Variants in CAMSAP1 observed in about 807,000 individuals in gnomAD.
The protein encoded by CAMSAP1 is calmodulin regulated spectrin associated protein 1, also known as calmodulin-regulated spectrin-associated protein 1.
CAMSAP1 carries 58 observed loss-of-function variants against 143.5 expected under a neutral mutation model. The observed-to-expected ratio is 0.40, with a 90% CI of 0.33 to 0.50. CAMSAP1 has a LOEUF of 0.50. CAMSAP1 is among the 20% of genes least tolerant of loss of function. The probability of loss-of-function intolerance (pLI) is 0.45; values close to 1 mark genes in which losing one functional copy is unlikely to be tolerated. For synonymous variants in CAMSAP1, 945 were observed against 859.3 expected (o/e 1.10, Z -1.74); for missense variants, 1,969 against 2,115.7 (o/e 0.93, Z 1.36).
In CAMSAP1 at chr9:135,821,615, C is replaced by T. The variant is rs1278108233; in HGVS notation, c.3046G>A (p.Asp1016Asn). Residue 1016 changes from aspartate to asparagine, a missense_variant, in exon 11 of 17, where the codon GAC (aspartate) becomes AAC (asparagine). Around this residue, in one of 4 missense-constraint regions of CAMSAP1, gnomAD observed 1,390 missense variants for 1,420.8 expected, o/e 0.98. Transcript: ENST00000389532. The surrounding 1 kb of genome is among the most constrained non-coding windows in gnomAD (Gnocchi z 4.6). ...LLEDTVGEVVDVNECDLSIEK... is the reference protein window; with the variant it reads ...LLEDTVGEVVNVNECDLSIEK... ...ATGGAAAGGTCACATTCATTCACGT[C>T]GACAACCTCCCCAACAGTGTCCTCC... The T allele has an allele frequency of 3.7e-6, 6 of 1,613,876 alleles. No homozygotes were observed. The East Asian group carries it at 8.9e-5, about 24-fold the overall frequency.
intron 1 of CAMSAP1, among the ~76,000 whole-genome samples, chr9:135,904,695 G>A (rs534365420): frequency 1.3e-5 from 2 of 152,112 alleles, no homozygotes; most frequent in Non-Finnish European, 2.9e-5. Flanking sequence ...CCAGCCAGGC[G>A]TGGTGGCTCA....
intron 1 of CAMSAP1, among the ~76,000 whole-genome samples, chr9:135,887,223 AC>A (rs1838151238): frequency 6.6e-6 from 1 of 152,196 alleles, no homozygotes; most frequent in Admixed American, 6.5e-5. Flanking sequence ...GGACAAGTGA[AC>A]AGAGAACGGG....
Position 135,809,819 on chromosome 9 carries a change from C to T in CAMSAP1, c.*1490G>A, listed in dbSNP as rs1834977162. 1 of 152,566 alleles carries T rather than the reference C, an allele frequency of 6.6e-6. No individual in the cohort carries two copies. The highest frequency in any genetic ancestry group is 6.5e-5 in the Admixed American group (1 of 15,282). 9.5% of individuals were successfully genotyped at this position (152,566 alleles called of 1,614,324 possible). A position where few individuals can be genotyped will look rare whatever the true frequency, so the allele number is the denominator to read the frequency against. On this transcript the variant is annotated 3_prime_UTR_variant, in exon 17 of 17. Coordinates refer to ENST00000389532, the MANE Select transcript of CAMSAP1 (RefSeq NM_015447.4). ...ATATACAAAATCGCAAGAGACTGTA[C>T]TTCTCTTCAAAGGACTGAGGAAAGG...
intron 5 of CAMSAP1, among the ~76,000 whole-genome samples, chr9:135,852,629 C>T (rs1027556990): frequency 3.3e-5 from 5 of 152,282 alleles, no homozygotes; most frequent in Non-Finnish European, 5.9e-5. Context: ...CCCTGCAAAG[C>T]ATCTCTTTTC....
intron 5 of CAMSAP1, among the ~76,000 whole-genome samples, chr9:135,860,986 T>C (rs188233939): frequency 5.9e-4 from 90 of 152,304 alleles, no homozygotes; most frequent in African/African-American, 2.0e-3. Flanking sequence ...CCACGCCACA[T>C]GGGTGATACA....
rs1160313361 is a variant in CAMSAP1 at position 135,809,619 on chromosome 9, C to T, written c.*1690G>A. The T allele has an allele frequency of 6.6e-6, 1 of 152,626 alleles. No homozygotes were observed. Among genetic ancestry groups the T allele is most frequent in the Non-Finnish European group, 1.5e-5 (1 of 68,042 alleles). The allele number at this position is 152,626 out of a possible 1,614,324, so 9.5% of individuals were successfully genotyped here. The stretch of plus-strand genomic sequence containing the variant: ...TTCATCACTTTATTACATCTTAGTG[C>T]TTTCTTAAAATAAATACAGTAATAT... On this transcript the variant is annotated 3_prime_UTR_variant, in exon 17 of 17. Transcript: ENST00000389532.
At position 135,811,453 on chromosome 9, in the gene CAMSAP1, C is replaced by T; in HGVS notation, c.4665G>A (p.Leu1555=). ...KNITKKMIDK[L]YKYSSDRKQF... ...GTTTTCGGTCTGAGCTGTATTTATACAGTTTGTCGATCATTTTCTTGGTGA... is the reference window on the plus strand; with the variant it reads ...GTTTTCGGTCTGAGCTGTATTTATATAGTTTGTCGATCATTTTCTTGGTGA... Residue 1555 remains leucine (L), a synonymous_variant, in exon 17 of 17, where the codon CTG becomes CTA. Coordinates refer to ENST00000389532, the MANE Select transcript of CAMSAP1 (RefSeq NM_015447.4). The surrounding 1 kb of genome is among the most constrained non-coding windows in gnomAD (Gnocchi z 4.9). 3.1e-6 allele frequency: 5 copies of T among 1,612,362 alleles called. No homozygotes were observed. Among genetic ancestry groups the T allele is most frequent in the African/African-American group, 2.7e-5 (2 of 75,020 alleles).
At chr9:135,833,592 G>C (rs1835924406) in intron 7 of CAMSAP1, among the ~76,000 whole-genome samples, 1 of 152,160 alleles carries the variant, frequency 6.6e-6, no homozygotes, top group Non-Finnish European at 1.5e-5. Flanking sequence ...ATGTTGTTGG[G>C]AAAACTGGAT....
chr9:135,867,190 C>T (rs543658971), intron 3 of CAMSAP1, among the ~76,000 whole-genome samples: 1 of 152,164 alleles, frequency 6.6e-6, no homozygotes, highest in Admixed American at 6.5e-5. Context: ...TCAAACAACA[C>T]AGACAAAGGA....
At chr9:135,819,414 C>T (rs977882212) in intron 11 of CAMSAP1, among the ~76,000 whole-genome samples, 7 of 152,094 alleles carry the variant, frequency 4.6e-5, no homozygotes, top group Admixed American at 1.3e-4. Context: ...AAAATAAGAG[C>T]GAGGCTGGGC....
intron 16 of CAMSAP1, among the ~76,000 whole-genome samples, chr9:135,812,388 C>T (rs920297660): frequency 3.9e-5 from 6 of 152,034 alleles, no homozygotes; most frequent in Non-Finnish European, 7.4e-5. Flanking sequence ...CAGAGCATCA[C>T]GCTAAGTGAA....
intron 3 of CAMSAP1, among the ~76,000 whole-genome samples, chr9:135,868,609 ATTTTT>A (rs767495608): frequency 1.1e-5 from 1 of 93,476 alleles, no homozygotes; most frequent in Non-Finnish European, 2.0e-5. Context: ...GAGATTGGCA[ATTTTT>A]TTTTTTTTTT....
chr9:135,907,546 C>CT (rs1161756597), upstream of CAMSAP1, among the ~76,000 whole-genome samples: 3 of 149,992 alleles, frequency 2.0e-5, no homozygotes, highest in African/African-American at 7.3e-5. Context: ...GGAGCGCGCT[C>CT]ACCGCCGGGG....
At position 135,811,513 on chromosome 9, in the gene CAMSAP1, T is replaced by C; in HGVS notation, c.4605A>G (p.Glu1535=). ...ALYCYYPDTE[E]IYKLTGTGPK... The stretch of plus-strand genomic sequence containing the variant: ...GCCCCGTGCCAGTGAGTTTGTAGAT[T>C]TCCTCAGTATCAGGATAGTAGCAGT... Residue 1535 remains glutamate, a synonymous_variant, in exon 17 of 17, where the codon GAA becomes GAG. Transcript: ENST00000389532. This position sits in a 1 kb window ranked among gnomAD's most constrained non-coding sequence, Gnocchi z 4.9. The C allele has an allele frequency of 1.2e-6, 2 of 1,609,276 alleles. No homozygotes were observed. Among genetic ancestry groups the C allele is most frequent in the Admixed American group, 1.7e-5 (1 of 59,210 alleles).
rs1005557625 is a variant in CAMSAP1 at position 135,907,539 on chromosome 9, G to A, written c.-380C>T. Among the ~76,000 whole-genome samples, 3 of 149,802 alleles carry A rather than the reference G, an allele frequency of 2.0e-5. No individual in the cohort carries two copies. The highest frequency in any genetic ancestry group is 4.5e-5 in the Non-Finnish European group (3 of 66,940). On this transcript the variant is annotated 5_prime_UTR_variant, in exon 1 of 17. Transcript: ENST00000389532. ...CTGAGGCGGTGGCCAAGGAGCGGGA[G>A]CGCGCTCACCGCCGGGGCCTCGCAC...
At chr9:135,828,394 G>C (rs1456817657) in intron 7 of CAMSAP1, among the ~76,000 whole-genome samples, 1 of 152,168 alleles carries the variant, frequency 6.6e-6, no homozygotes, top group Non-Finnish European at 1.5e-5. Flanking sequence ...CTCTGCAGAC[G>C]GTCTAGGGAA....
intron 7 of CAMSAP1, chr9:135,836,337 C>T (rs1043554482): frequency 9.5e-5 from 94 of 984,722 alleles, no homozygotes; most frequent in Non-Finnish European, 1.1e-4. Context: ...CGCCTTCTAC[C>T]CATTCCGCAG....
At chr9:135,833,820 T>C (rs1363395642) in intron 7 of CAMSAP1, among the ~76,000 whole-genome samples, 2 of 152,096 alleles carry the variant, frequency 1.3e-5, no homozygotes, top group South Asian at 2.1e-4. Context: ...CCACAGGAAC[T>C]ACACCAAATG....
At chr9:135,815,629 C>A (rs750849948) in intron 15 of CAMSAP1, among the ~76,000 whole-genome samples, 1 of 152,270 alleles carries the variant, frequency 6.6e-6, no homozygotes, top group Non-Finnish European at 1.5e-5. Context: ...CTCCCGGGCT[C>A]TGCTGCCCCC....
Sources: gnomAD v4.1 joint callset for allele counts (sites outside exome capture counted in the v4.1 genomes callset) on GRCh38, gnomAD v4.1.1 for gene constraint, gnomAD v4.1.1 regional missense constraint, Gnocchi (gnomAD v3.1) non-coding constraint, MANE v1.5 for transcripts, NCBI Gene and HGNC (gene_info 2026-07-23, HGNC 2026-07-21) for gene names.